Variants in SHOX observed in about 807,000 individuals in gnomAD.
SHOX encodes short stature homeobox protein.
SHOX carries 12 observed loss-of-function variants against 29.6 expected under a neutral mutation model. That is an observed-to-expected ratio of 0.41 (90% CI 0.26 to 0.66). The LOEUF is 0.66. SHOX is among the 30% of genes least tolerant of loss of function. SHOX has a pLI of 0.35. For synonymous variants in SHOX, 214 were observed against 200.6 expected, an observed-to-expected ratio of 1.07 and a Z score of -0.57; for missense variants, 499 against 437.7, an observed-to-expected ratio of 1.14 and a Z score of -1.25.
intron 1 of SHOX, among the ~76,000 whole-genome samples, chrX:631,494 A>G (rs2052648033): frequency 6.6e-6 from 1 of 151,730 alleles, no homozygotes; most frequent in Non-Finnish European, 1.5e-5. Flanking sequence ...AGGGCCTGAG[A>G]TGTCTTTTTC....
intron 4 of SHOX, 73 bp downstream of exon 4, chrX:641,160 C>G (rs966531535): frequency 8.0e-6 from 11 of 1,376,384 alleles, no homozygotes; most frequent in Non-Finnish European, 1.0e-5. Flanking sequence ...TATTTGCTGC[C>G]GCATCCTGAC....
intron 2 of SHOX, among the ~76,000 whole-genome samples, chrX:635,209 G>C (rs2052724019): frequency 6.6e-6 from 1 of 151,990 alleles, no homozygotes; most frequent in Non-Finnish European, 1.5e-5. Context: ...TTGGTTATAG[G>C]GGCAACACAT....
At position 650,783 on chromosome X, in the gene SHOX, G is replaced by A. The variant is rs1251770817; in HGVS notation, c.*6147G>A. Among the ~76,000 whole-genome samples, 1 of 75,348 alleles carries A rather than the reference G, an allele frequency of 1.3e-5. No homozygotes were observed. 49.4% of individuals were successfully genotyped at this position (75,348 alleles called of 152,430 possible). A position where few individuals can be genotyped will look rare whatever the true frequency, so the allele number is the denominator to read the frequency against. ...GAGGAGAGAGGCTTTCGGTGGACAC[G>A]TTTGACATTAAAAAAAAAAAAAAAA... On this transcript the variant is annotated 3_prime_UTR_variant, in exon 5 of 5. Coordinates refer to ENST00000686671, the MANE Select transcript of SHOX (RefSeq NM_000451.4).
chrX:624,868 T>A (rs1281987503), intron 1 of SHOX, among the ~76,000 whole-genome samples: 1 of 54,734 alleles, frequency 1.8e-5, no homozygotes, highest in African/African-American at 2.1e-4. Context: ...TTTCTTTTCT[T>A]TCTTTCTTTC....
chrX:626,214 C>A (rs867512108), upstream of SHOX, among the ~76,000 whole-genome samples: 1 of 115,650 alleles, frequency 8.6e-6, no homozygotes, highest in Non-Finnish European at 1.8e-5. Context: ...TTTTCTCTTT[C>A]TCTGTATCTC....
chrX:630,306 GATC>G (rs1170327237), upstream of SHOX, among the ~76,000 whole-genome samples: 1 of 74,586 alleles, frequency 1.3e-5, no homozygotes, highest in East Asian at 3.3e-4. Flanking sequence ...GGGGCGCCCG[GATC>G]CCCCCCTCGC....
chrX:636,792 T>A (rs895412674), intron 2 of SHOX, among the ~76,000 whole-genome samples: 2 of 143,012 alleles, frequency 1.4e-5, no homozygotes, highest in Admixed American at 7.3e-5. Context: ...CATATAAAAA[T>A]ATATATATAT....
upstream of SHOX, among the ~76,000 whole-genome samples, chrX:625,943 CTG>C (rs1364426725): frequency 4.8e-5 from 5 of 104,244 alleles, no homozygotes; most frequent in Admixed American, 9.7e-5. Context: ...CTCTTTCTCT[CTG>C]TCTTCGTTCC....
At chrX:630,432 C>G (rs1209404023), upstream of SHOX, 13 of 182,388 alleles carry the variant, frequency 7.1e-5, no homozygotes, top group Non-Finnish European at 3.4e-5. Flanking sequence ...TCTCTCCAGC[C>G]GTGAACTCCT....
Position 646,422 on chromosome X carries a change from T to A in SHOX, c.*1786T>A, listed in dbSNP as rs1402631690. 6.6e-6 allele frequency: 1 copy of A among 152,004 alleles called. No homozygotes were observed. Among genetic ancestry groups the A allele is most frequent in the Non-Finnish European group, 1.5e-5 (1 of 68,024 alleles). 9.4% of individuals were successfully genotyped at this position (152,004 alleles called of 1,614,324 possible). A position where few individuals can be genotyped will look rare whatever the true frequency, so the allele number is the denominator to read the frequency against. ...TATCTTCTCCCAACATTTACTAACA[T>A]CCACTGGTCAACTCTCTTATTTCCA... On this transcript the variant is annotated 3_prime_UTR_variant, in exon 5 of 5. Transcript: ENST00000686671.
chrX:624,729 C>CTTTCTTTCTTTCTT, intron 1 of SHOX: 1 of 136,546 alleles, frequency 7.3e-6, no homozygotes, highest in Middle Eastern at 3.7e-3. Context: ...TTCTTTCTTT[C>CTTTCTTTCTTTCTT]TTTCTTTCTT....
At chrX:626,186 CTTCGT>C (rs1267969402), upstream of SHOX, among the ~76,000 whole-genome samples, 11 of 117,106 alleles carry the variant, frequency 9.4e-5, no homozygotes, top group African/African-American at 3.4e-4. Flanking sequence ...TTCTCTCTGT[CTTCGT>C]TCCTCTCTCT....
At chrX:658,135 T>C (rs1404196793) in intron 5 of SHOX, among the ~76,000 whole-genome samples, 1 of 151,546 alleles carries the variant, frequency 6.6e-6, no homozygotes, top group South Asian at 2.1e-4. Flanking sequence ...CCACCACGCC[T>C]GGCTAATGTT....
At chrX:627,789 C>T (rs978491256), upstream of SHOX, among the ~76,000 whole-genome samples, 5 of 152,052 alleles carry the variant, frequency 3.3e-5, no homozygotes, top group African/African-American at 7.2e-5. Flanking sequence ...AACCTCAGGT[C>T]GGGGAAAGCC....
rs369100118 is a variant in SHOX at position 625,521 on chromosome X, A to C, written c.-433+919A>C. Among the ~76,000 whole-genome samples the C allele has an allele frequency of 3.9e-3, 570 of 147,342 alleles. 7 individuals carry two copies. Among genetic ancestry groups the C allele is most frequent in the African/African-American group, 0.012 (491 of 39,538 alleles). On this transcript the variant is annotated intron_variant, in intron 1 of 5. Transcript: ENST00000334060. ...TGTCTGTCGCTATTTTTCTCTGTCT[A>C]TCTCTGTATCTCTGTCTCTCTCTTT...
intron 4 of SHOX, among the ~76,000 whole-genome samples, chrX:641,913 G>A (rs1285990775): frequency 6.6e-6 from 1 of 152,120 alleles, no homozygotes; most frequent in African/African-American, 2.4e-5. Context: ...CCGAGTGCCC[G>A]AGGGCCTGGG....
In SHOX at chrX:630,870, C is replaced by CG; in HGVS notation, c.-26dup. On this transcript the variant is annotated 5_prime_UTR_variant, in exon 1 of 5. Coordinates refer to ENST00000686671, the MANE Select transcript of SHOX (RefSeq NM_000451.4). ...GGGAGACGCGCGCATCCACCAGCCC[C>CG]GGCTGCTCGCCAGCCCCGGCCCCAG... is the stretch of plus-strand genomic sequence containing the variant. 2 of 1,612,038 alleles carry CG rather than the reference C, an allele frequency of 1.2e-6. No individual in the cohort carries two copies. Among genetic ancestry groups the CG allele is most frequent in the Non-Finnish European group, 1.7e-6 (2 of 1,179,662 alleles).
chrX:639,646 C>T (rs1328849173), intron 2 of SHOX, among the ~76,000 whole-genome samples: 1 of 152,208 alleles, frequency 6.6e-6, no homozygotes, highest in Non-Finnish European at 1.5e-5. Context: ...CACTTTTTCA[C>T]CTTAAGTTCA....
In SHOX at chrX:634,845, G is replaced by A. The variant is rs771813123; in HGVS notation, c.486+19G>A. The stretch of plus-strand genomic sequence containing the variant: ...CGTGCAGGTAGGAACCCGGGGGCGG[G>A]GGCGGGGGGCCCGGAGCCATCGCCT... On this transcript the variant is annotated intron_variant, in intron 2 of 4. Coordinates refer to ENST00000686671, the MANE Select transcript of SHOX (RefSeq NM_000451.4). 1.9e-6 allele frequency: 3 copies of A among 1,549,676 alleles called. No individual in the cohort carries two copies. Among genetic ancestry groups the A allele is most frequent in the South Asian group, 2.4e-5 (2 of 84,344 alleles).
Sources: allele counts gnomAD v4.1 joint callset (sites outside exome capture counted in the v4.1 genomes callset), GRCh38; gene constraint gnomAD v4.1.1; transcripts MANE v1.5; gene names NCBI Gene and HGNC (gene_info 2026-07-23, HGNC 2026-07-21).